FAT3: variants seen among roughly 807,000 people sequenced by gnomAD.
The protein encoded by FAT3 is FAT atypical cadherin 3.
A neutral mutation model predicts 310.2 loss-of-function variants in FAT3; 95 were observed. The ratio of observed to expected loss-of-function variants is 0.31; its 90% CI spans 0.26 to 0.36. The LOEUF (loss-of-function observed/expected upper bound fraction) is 0.36, where lower values mean the gene tolerates loss of function less well. Ranked by LOEUF, FAT3 falls within the 10% of genes least tolerant of loss-of-function variation. FAT3 has a pLI of 1.00. For synonymous variants in FAT3, 2,314 were observed against 2,192.9 expected (o/e 1.06, Z -1.54); for missense variants, 5,408 against 5,715.6 (o/e 0.95, Z 1.74).
intron 1 of FAT3, among the ~76,000 whole-genome samples, chr11:92,264,994 G>T (rs1243821831): frequency 6.6e-6 from 1 of 151,872 alleles, no homozygotes; most frequent in African/African-American, 2.4e-5. Context: ...ATATTCTGTT[G>T]GGGGTTTTTT....
intron 2 of FAT3, among the ~76,000 whole-genome samples, chr11:92,382,828 T>C (rs1293544398): frequency 3.9e-5 from 6 of 152,196 alleles, no homozygotes; most frequent in African/African-American, 1.4e-4. Flanking sequence ...AAAATTTTTA[T>C]TTTCTTCAAA....
chr11:92,456,973 G>A (rs1951509447), intron 2 of FAT3, among the ~76,000 whole-genome samples: 1 of 152,168 alleles, frequency 6.6e-6, no homozygotes, highest in African/African-American at 2.4e-5. Context: ...AGGCAGGCCT[G>A]TTGTCCACTT....
chr11:92,288,957 TG>T (rs1159118352), intron 1 of FAT3, among the ~76,000 whole-genome samples: 1 of 152,170 alleles, frequency 6.6e-6, no homozygotes, highest in East Asian at 1.9e-4. Context: ...TCCTTGTGAA[TG>T]TGCTGACAAC....
intron 3 of FAT3, among the ~76,000 whole-genome samples, chr11:92,633,776 GT>G (rs1443677399): frequency 6.6e-6 from 1 of 152,078 alleles, no homozygotes. Flanking sequence ...CAATGATGTT[GT>G]TTTAAAAGTG....
At position 92,799,204 on chromosome 11, in the gene FAT3, G is replaced by T. The variant is rs200494319; in HGVS notation, c.6191G>T (p.Arg2064Leu). The T allele has an allele frequency of 1.6e-5, 26 of 1,613,822 alleles. No individual in the cohort carries two copies. Among genetic ancestry groups the T allele is most frequent in the Non-Finnish European group, 1.9e-5 (22 of 1,179,870 alleles). The change falls in exon 10 of 28, where the codon CGT (arginine) becomes CTT (leucine). Residue 2064 changes from arginine to leucine, a missense_variant. Physicochemically the swap from Arg to Leu is moderately radical, Grantham distance 102 (BLOSUM62 -2). Coordinates refer to ENST00000525166, the MANE Select transcript of FAT3 (RefSeq NM_001367949.2). Reference protein sequence around the residue: ...VEASRELDHLRVARVVVRVNI... With the variant: ...VEASRELDHLLVARVVVRVNI... ...GCCAGCCGTGAGCTGGACCATCTGC[G>T]TGTGGCCAGAGTGGTGGTCAGGGTT...
chr11:92,355,339 G>A lies in FAT3; in HGVS notation c.3227G>A (p.Gly1076Glu), dbSNP rs1948702074. The A allele has an allele frequency of 6.2e-7, 1 of 1,613,690 alleles. No homozygotes were observed. Among genetic ancestry groups the A allele is most frequent in the Non-Finnish European group, 8.5e-7 (1 of 1,179,856 alleles). Residue 1076 changes from glycine (G) to glutamate (E), a missense_variant, in exon 2 of 28, where the codon GGA becomes GAA. Gly to Glu is a moderately conservative substitution (Grantham distance 98). Coordinates refer to ENST00000525166, the MANE Select transcript of FAT3 (RefSeq NM_001367949.2). ...TARDEDSGRDGEIQYSIRDGS... is the reference protein window; with the variant it reads ...TARDEDSGRDEEIQYSIRDGS... ...CGAGATGAAGACTCCGGAAGGGATG[G>A]AGAGATCCAGTACTCCATCAGGGAT...
At chr11:92,744,539 A>G (rs1945598680) in intron 4 of FAT3, among the ~76,000 whole-genome samples, 1 of 152,192 alleles carries the variant, frequency 6.6e-6, no homozygotes, top group Admixed American at 6.5e-5. Context: ...CCCCATTTAT[A>G]TTTTATAACC....
chr11:92,840,673 G>A lies in FAT3; in HGVS notation c.10480G>A (p.Glu3494Lys). The change falls in exon 18 of 28, where the codon GAG (glutamate) becomes AAG (lysine). Residue 3494 changes from glutamate to lysine, a missense_variant. Transcript: ENST00000525166. ...FSILSGNEEEEFVLDPHGILR... is the reference protein window; with the variant it reads ...FSILSGNEEEKFVLDPHGILR... ...TATTTTGTCGGGAAATGAAGAGGAG[G>A]AGTTTGTGTTGGACCCTCATGGGAT... The A allele has an allele frequency of 1.2e-6, 2 of 1,613,290 alleles. No individual in the cohort carries two copies. Among genetic ancestry groups the A allele is most frequent in the South Asian group, 2.2e-5 (2 of 91,048 alleles).
chr11:92,867,238 C>T (rs1373963014), intron 22 of FAT3, 29 bp downstream of exon 22: 10 of 1,519,056 alleles, frequency 6.6e-6, no homozygotes, highest in Non-Finnish European at 7.9e-6. Context: ...TGGGCACTGG[C>T]CTGGGGGTTT....
At chr11:92,794,771 A>G (rs957162507) in intron 9 of FAT3, among the ~76,000 whole-genome samples, 2 of 152,206 alleles carry the variant, frequency 1.3e-5, no homozygotes, top group Admixed American at 1.3e-4. Flanking sequence ...TGTATGTAAG[A>G]AACTATTGAG....
intron 2 of FAT3, among the ~76,000 whole-genome samples, chr11:92,397,050 G>T (rs528869717): frequency 6.6e-6 from 1 of 152,214 alleles, no homozygotes; most frequent in African/African-American, 2.4e-5. Context: ...ATAAATAAAT[G>T]AGATTTGGTG....
intron 7 of FAT3, among the ~76,000 whole-genome samples, chr11:92,777,202 C>A (rs576268883): frequency 8.5e-5 from 13 of 152,298 alleles, no homozygotes; most frequent in African/African-American, 2.9e-4. Context: ...GAACTTTTCT[C>A]TGCTTTGTTC....
chr11:92,621,319 C>A (rs1163897194), intron 3 of FAT3, among the ~76,000 whole-genome samples: 1 of 152,078 alleles, frequency 6.6e-6, no homozygotes, highest in South Asian at 2.1e-4. Flanking sequence ...TTATATTATG[C>A]AGAAGGTGGG....
chr11:92,565,199 G>C (rs1955384357), intron 3 of FAT3, among the ~76,000 whole-genome samples: 1 of 149,504 alleles, frequency 6.7e-6, no homozygotes, highest in South Asian at 2.2e-4. Context: ...AAATGATAAA[G>C]GGGATATCAC....
At chr11:92,516,109 A>G (rs1208119647) in intron 2 of FAT3, among the ~76,000 whole-genome samples, 2 of 152,252 alleles carry the variant, frequency 1.3e-5, no homozygotes, top group African/African-American at 2.4e-5. Context: ...AACAATAGAA[A>G]AAGAGGGACT....
chr11:92,558,462 T>C (rs1255589550), intron 3 of FAT3, among the ~76,000 whole-genome samples: 1 of 151,404 alleles, frequency 6.6e-6, no homozygotes, highest in Non-Finnish European at 1.5e-5. Flanking sequence ...ACTTAAAACC[T>C]GCTTTAGTAT....
intron 3 of FAT3, among the ~76,000 whole-genome samples, chr11:92,628,007 G>A (rs186834075): frequency 2.6e-5 from 4 of 152,170 alleles, no homozygotes; most frequent in East Asian, 3.9e-4. Flanking sequence ...ATGTTGACTC[G>A]CCCAGCCACC....
At chr11:92,435,506 CCTTCCTTCCTTCCTTT>C (rs1337385501) in intron 2 of FAT3, among the ~76,000 whole-genome samples, 1 of 141,250 alleles carries the variant, frequency 7.1e-6, no homozygotes, top group Non-Finnish European at 1.5e-5. Context: ...TTCCTTCCTT[CCTTCCTTCCTTCCTTT>C]CTCTTTCTTT....
intron 12 of FAT3, among the ~76,000 whole-genome samples, chr11:92,807,805 G>C (rs1947548054): frequency 6.6e-6 from 1 of 152,232 alleles, no homozygotes; most frequent in African/African-American, 2.4e-5. Flanking sequence ...GCAGATGCCT[G>C]CATTGAAGGC....
Sources: allele counts gnomAD v4.1 joint callset (sites outside exome capture counted in the v4.1 genomes callset), GRCh38; gene constraint gnomAD v4.1.1; transcripts MANE v1.5; gene names NCBI Gene and HGNC (gene_info 2026-07-23, HGNC 2026-07-21).